The following DNAH14 variants were observed in gnomAD, a reference collection of about 807,000 sequenced individuals.
The protein encoded by DNAH14 is axonemal beta dynein heavy chain 14.
A neutral mutation model predicts 520.9 loss-of-function variants in DNAH14; 478 were observed. The observed-to-expected ratio is 0.92, with a 90% CI of 0.85 to 0.99. DNAH14 has a LOEUF of 0.99. Ranked by LOEUF, DNAH14 falls within the 50% of genes least tolerant of loss-of-function variation. The probability of loss-of-function intolerance (pLI) is 0.00; values close to 1 mark genes in which losing one functional copy is unlikely to be tolerated. For synonymous variants in DNAH14, 1,581 were observed against 1,757.2 expected, an observed-to-expected ratio of 0.90 and a Z score of 2.51; for missense variants, 4,831 against 5,234.5, an observed-to-expected ratio of 0.92 and a Z score of 2.38.
intron 77 of DNAH14, among the ~76,000 whole-genome samples, chr1:225,369,379 C>T (rs947399964): frequency 2.0e-5 from 3 of 150,994 alleles, no homozygotes; most frequent in Non-Finnish European, 4.4e-5. Context: ...TTGAAATTAT[C>T]AAGAAAATAA....
At chr1:224,977,733 A>G (rs2061967910) in intron 8 of DNAH14, among the ~76,000 whole-genome samples, 1 of 152,234 alleles carries the variant, frequency 6.6e-6, no homozygotes, top group Admixed American at 6.5e-5. Context: ...GGGTGAAGAG[A>G]CAGCCTGCAG....
intron 17 of DNAH14, among the ~76,000 whole-genome samples, chr1:225,055,406 G>A (rs996780954): frequency 1.3e-3 from 199 of 152,036 alleles, no homozygotes; most frequent in African/African-American, 4.5e-3. Context: ...AGTGATGGGG[G>A]CTATAGTGCA....
In DNAH14 at chr1:225,195,959, T is replaced by A. The variant is rs113463299; in HGVS notation, c.5886+3048T>A. ...TAATGGAATTTATTAAAAAATAAAATATGTATAACTTTTAACCCACAGTCT... is the reference window on the plus strand; with the variant it reads ...TAATGGAATTTATTAAAAAATAAAAAATGTATAACTTTTAACCCACAGTCT... On this transcript the variant is annotated intron_variant, in intron 38 of 85. Coordinates refer to ENST00000682510, the MANE Select transcript of DNAH14 (RefSeq NM_001367479.1). Among the ~76,000 whole-genome samples the A allele has an allele frequency of 3.9e-3, 591 of 152,172 alleles. 5 individuals carry two copies. The highest frequency in any genetic ancestry group is 0.013 in the African/African-American group (559 of 41,554).
At chr1:224,970,867 A>G (rs2061465792) in intron 7 of DNAH14, among the ~76,000 whole-genome samples, 2 of 152,162 alleles carry the variant, frequency 1.3e-5, no homozygotes, top group Admixed American at 1.3e-4. Context: ...TTATATGAAT[A>G]TTTATTGAGA....
At chr1:224,987,744 A>G (rs887111457) in intron 8 of DNAH14, among the ~76,000 whole-genome samples, 1 of 152,060 alleles carries the variant, frequency 6.6e-6, no homozygotes, top group Non-Finnish European at 1.5e-5. Context: ...CCCCTGCCTC[A>G]GCTTCCTGAA....
rs115656985 is a variant in DNAH14, at chr1:225,045,447, C to A, written c.1912+1464C>A. 4.7e-3 allele frequency among the ~76,000 whole-genome samples: 718 copies of A among 152,004 alleles called. 4 individuals carry two copies. The highest frequency in any genetic ancestry group is 0.016 in the African/African-American group (674 of 41,490). On this transcript the variant is annotated intron_variant, in intron 15 of 85. Transcript: ENST00000682510. The stretch of plus-strand genomic sequence containing the variant: ...TATTTGGATTTTCCCAGTTGTTTCC[C>A]TAATGTTCATTTTCTGTGCCAGGAT...
At chr1:225,024,520 A>T (rs566792665) in intron 11 of DNAH14, 1 of 152,536 alleles carries the variant, frequency 6.6e-6, no homozygotes, top group Non-Finnish European at 1.5e-5. Flanking sequence ...GGCATACTTT[A>T]ATTTCTATTT....
At chr1:225,282,041 A>C (rs1216357190) in intron 54 of DNAH14, among the ~76,000 whole-genome samples, 1 of 152,206 alleles carries the variant, frequency 6.6e-6, no homozygotes, top group Non-Finnish European at 1.5e-5. Context: ...ATCATTTAAC[A>C]ATGTACACAT....
chr1:224,991,067 T>A (rs2062995530), intron 8 of DNAH14, among the ~76,000 whole-genome samples: 2 of 149,860 alleles, frequency 1.3e-5, no homozygotes, highest in Non-Finnish European at 3.0e-5. Context: ...ATTTCCCTAA[T>A]GATTAGTGAT....
At chr1:225,374,268 A>AT (rs1251520339) in intron 77 of DNAH14, among the ~76,000 whole-genome samples, 18 of 49,848 alleles carry the variant, frequency 3.6e-4, no homozygotes, top group African/African-American at 1.3e-3. Flanking sequence ...ATATATATAT[A>AT]TATTTTTTTT....
At chr1:225,110,682 ATT>A (rs1355135280) in intron 23 of DNAH14, among the ~76,000 whole-genome samples, 1 of 148,214 alleles carries the variant, frequency 6.7e-6, no homozygotes, top group African/African-American at 2.5e-5. Flanking sequence ...TCTGATCTTT[ATT>A]TTCTTCTACT....
At chr1:225,061,820 A>C (rs1011357450) in intron 17 of DNAH14, among the ~76,000 whole-genome samples, 3 of 152,278 alleles carry the variant, frequency 2.0e-5, no homozygotes, top group Non-Finnish European at 2.9e-5. Flanking sequence ...ATAGCACTTA[A>C]ATTACATACT....
chr1:225,373,510 G>A (rs1419459157), intron 77 of DNAH14, among the ~76,000 whole-genome samples: 3 of 151,966 alleles, frequency 2.0e-5, no homozygotes, highest in Non-Finnish European at 4.4e-5. Flanking sequence ...GGAAGAGGGA[G>A]GCGGAGGTGA....
intron 1 of DNAH14, among the ~76,000 whole-genome samples, chr1:224,934,492 A>C (rs2058900193): frequency 6.6e-6 from 1 of 151,898 alleles, no homozygotes; most frequent in Admixed American, 6.6e-5. Flanking sequence ...AGAAAAAATA[A>C]AGAAAAAAGT....
chr1:225,022,896 G>T (rs1232243031), intron 10 of DNAH14, among the ~76,000 whole-genome samples: 2 of 152,274 alleles, frequency 1.3e-5, no homozygotes, highest in African/African-American at 4.8e-5. Flanking sequence ...TATACACTAT[G>T]GAATACCACC....
At chr1:224,930,547 A>G (rs2058618548) in intron 1 of DNAH14, among the ~76,000 whole-genome samples, 1 of 152,222 alleles carries the variant, frequency 6.6e-6, no homozygotes, top group African/African-American at 2.4e-5. Flanking sequence ...TGTACAGTAC[A>G]TAGTACTTGA....
chr1:225,227,362 C>T (rs915388187), intron 41 of DNAH14, among the ~76,000 whole-genome samples: 12 of 152,144 alleles, frequency 7.9e-5, no homozygotes, highest in African/African-American at 2.9e-4. Flanking sequence ...AAGCATACTG[C>T]CTGCAAACAC....
At chr1:225,128,874 A>G (rs2078066870) in intron 27 of DNAH14, among the ~76,000 whole-genome samples, 2 of 150,296 alleles carry the variant, frequency 1.3e-5, no homozygotes, top group Admixed American at 6.6e-5. Flanking sequence ...AAGAAGTCAA[A>G]TTGTCCCTGT....
intron 66 of DNAH14, among the ~76,000 whole-genome samples, chr1:225,335,390 T>C (rs539709968): frequency 1.1e-4 from 10 of 94,978 alleles, no homozygotes; most frequent in South Asian, 4.2e-4. Context: ...TATGCACATA[T>C]ACACATGTGT....
Sources: gnomAD v4.1 joint callset for allele counts (sites outside exome capture counted in the v4.1 genomes callset) on GRCh38, gnomAD v4.1.1 for gene constraint, MANE v1.5 for transcripts, NCBI Gene and HGNC (gene_info 2026-07-23, HGNC 2026-07-21) for gene names.